AFM: variants seen among roughly 807,000 people sequenced by gnomAD.
AFM encodes the protein afamin, also known as alpha-Alb.
AFM carries 82 observed loss-of-function variants against 68.7 expected under a neutral mutation model. The observed-to-expected ratio is 1.19, with a 90% CI of 1.00 to 1.43. AFM has a LOEUF of 1.43. Ranked by LOEUF, AFM falls within the 40% of genes most tolerant of loss-of-function variation. The pLI is 0.00. For missense variants in AFM, 772 were observed against 701.8 expected (o/e 1.10, Z -1.13); for synonymous variants, 250 against 234.2 (o/e 1.07, Z -0.61).
At position 73,497,822 on chromosome 4, in the gene AFM, G is replaced by A. The variant is rs1721300582; in HGVS notation, c.1289+73G>A. 6 of 1,001,580 alleles carry A rather than the reference G, an allele frequency of 6.0e-6. No individual in the cohort carries two copies. The South Asian group carries it at 9.2e-5, about 15-fold the overall frequency. The allele number at this position is 1,001,580 out of a possible 1,614,324, so 62.0% of individuals were successfully genotyped here. ...ACATAATCCCTCGAAGCGTAAAAAA[G>A]TTAGCTGTCAAGTTTTTCAGTTATG... On this transcript the variant is annotated intron_variant, in intron 10 of 14. Coordinates refer to ENST00000226355, the MANE Select transcript of AFM (RefSeq NM_001133.2).
chr4:73,502,873 G>A (rs1721457911), intron 13 of AFM, among the ~76,000 whole-genome samples, 177 bp from the exon 14 acceptor site: 2 of 152,154 alleles, frequency 1.3e-5, no homozygotes, highest in Admixed American at 1.3e-4. Flanking sequence ...TTTGGCAGTT[G>A]TAAAGAGCCT....
intron 9 of AFM, 148 bp from the exon 10 acceptor site, chr4:73,497,504 G>A (rs148187308): frequency 2.2e-5 from 9 of 402,144 alleles, no homozygotes; most frequent in Admixed American, 1.3e-4. Context: ...GTTCTTGCAC[G>A]TGCTTGTAAA....
At chr4:73,484,927 C>T (rs532691612) in intron 3 of AFM, among the ~76,000 whole-genome samples, 34 of 152,248 alleles carry the variant, frequency 2.2e-4, no homozygotes, top group South Asian at 2.1e-3. Context: ...ATGTTCTGTG[C>T]GCAGCATTTT....
intron 7 of AFM, among the ~76,000 whole-genome samples, chr4:73,489,975 C>T (rs990216514): frequency 5.3e-5 from 8 of 151,632 alleles, no homozygotes; most frequent in South Asian, 2.1e-4. Flanking sequence ...CCATGTATCC[C>T]GGAACTTAAA....
chr4:73,489,411 T>G (rs1006818056), intron 7 of AFM, among the ~76,000 whole-genome samples: 1 of 152,150 alleles, frequency 6.6e-6, no homozygotes, highest in Non-Finnish European at 1.5e-5. Flanking sequence ...TATATATGCA[T>G]ATATATTAAT....
At chr4:73,497,814 G>T in intron 10 of AFM, 65 bp downstream of exon 10, 1 of 1,050,268 alleles carries the variant, frequency 9.5e-7, no homozygotes, top group Non-Finnish European at 1.4e-6. Flanking sequence ...CCCTCGAAGC[G>T]TAAAAAAGTT....
chr4:73,499,980 C>T (rs1356185964), intron 11 of AFM, 24 bp from the exon 12 acceptor site: 2 of 1,582,280 alleles, frequency 1.3e-6, no homozygotes, highest in Admixed American at 1.7e-5. Flanking sequence ...GATCGTATCT[C>T]AGTTGCAACT....
Position 73,492,055 on chromosome 4 carries a change from C to G in AFM, c.1027C>G (p.Arg343Gly). 1.2e-6 allele frequency: 2 copies of G among 1,612,172 alleles called. No homozygotes were observed. The highest frequency in any genetic ancestry group is 1.7e-6 in the Non-Finnish European group (2 of 1,179,540). ...FTDSENVCQE[R>G]DADPDTFFAK... ...TGACAGTGAAAATGTGTGTCAAGAA[C>G]GAGATGCTGACCCAGACACCTTCTT... is the stretch of plus-strand genomic sequence containing the variant. Residue 343 changes from arginine (R) to glycine (G), a missense_variant, in exon 8 of 15, where the codon CGA becomes GGA. Coordinates refer to ENST00000226355, the MANE Select transcript of AFM (RefSeq NM_001133.2).
At position 73,488,748 on chromosome 4, in the gene AFM, A is replaced by C. The variant is rs772659222; in HGVS notation, c.832A>C (p.Ile278Leu). 1.3e-4 allele frequency: 203 copies of C among 1,608,378 alleles called. No homozygotes were observed. Among genetic ancestry groups the C allele is most frequent in the Non-Finnish European group, 1.7e-4 (197 of 1,178,430 alleles). ...GCCEGDVVQC[I>L]RDTSKVMNHI... ...CTGTGAAGGGGATGTTGTGCAGTGC[A>C]TCCGTGACACGGTGAATATTCTCTA... The change falls in exon 7 of 15, where the codon ATC (isoleucine) becomes CTC (leucine). Residue 278 changes from isoleucine (I) to leucine (L), a missense_variant. Transcript: ENST00000226355.
intron 9 of AFM, among the ~76,000 whole-genome samples, chr4:73,495,810 G>C (rs544791649): frequency 7.2e-5 from 11 of 152,242 alleles, no homozygotes; most frequent in African/African-American, 2.4e-4. Flanking sequence ...GATTCTTTAT[G>C]GTTTCAAAAG....
chr4:73,487,826 G>A lies in AFM; in HGVS notation c.713+5G>A. ...AACCAAAGTTGTACACTTTATGTGAGTTTTATACTATATGTCTTGTCTCTG... is the reference window on the plus strand; with the variant it reads ...AACCAAAGTTGTACACTTTATGTGAATTTTATACTATATGTCTTGTCTCTG... On this transcript the variant is annotated splice_donor_5th_base_variant and intron_variant, in intron 6 of 14. Transcript: ENST00000226355. 3 of 1,556,638 alleles carry A rather than the reference G, an allele frequency of 1.9e-6. No individual in the cohort carries two copies. Among genetic ancestry groups the A allele is most frequent in the East Asian group, 2.2e-5 (1 of 44,566 alleles).
Position 73,497,759 on chromosome 4 carries a change from T to C in AFM, c.1289+10T>C. Reference sequence around the variant, plus strand: ...ATGGTTTGAAATACCAGTATGTTGTTTGCACAAGTGGGCTAACACTTGCCA... The same window carrying C: ...ATGGTTTGAAATACCAGTATGTTGTCTGCACAAGTGGGCTAACACTTGCCA... On this transcript the variant is annotated intron_variant, in intron 10 of 14. Coordinates refer to ENST00000226355, the MANE Select transcript of AFM (RefSeq NM_001133.2). 2 of 1,546,812 alleles carry C rather than the reference T, an allele frequency of 1.3e-6. No individual in the cohort carries two copies. The highest frequency in any genetic ancestry group is 1.7e-5 in the Admixed American group (1 of 57,796).
chr4:73,483,939 A>G lies in AFM; in HGVS notation c.89-2A>G, dbSNP rs201597484. 3 of 1,526,776 alleles carry G rather than the reference A, an allele frequency of 2.0e-6. No homozygotes were observed. The highest frequency in any genetic ancestry group is 2.7e-6 in the Non-Finnish European group (3 of 1,117,896). 94.6% of individuals were successfully genotyped at this position (1,526,776 alleles called of 1,614,324 possible). Reference sequence around the variant, plus strand: ...AATAACCTAAATATTCTTGCTTTTCAGAGAACTTCAATAGTACTCAAAAAT... The same window carrying G: ...AATAACCTAAATATTCTTGCTTTTCGGAGAACTTCAATAGTACTCAAAAAT... On this transcript the variant is annotated splice_acceptor_variant, in intron 1 of 14. Transcript: ENST00000226355. LOFTEE classifies it high-confidence loss of function.
At position 73,481,829 on chromosome 4, in the gene AFM, A is replaced by T. The variant is rs980872536; in HGVS notation, c.54A>T (p.Glu18Asp). Residue 18 changes from glutamate (E) to aspartate (D), a missense_variant, in exon 1 of 15, where the codon GAA (glutamate) becomes GAT (aspartate). By Grantham distance (45) the Glu-to-Asp change is conservative. Coordinates refer to ENST00000226355, the MANE Select transcript of AFM (RefSeq NM_001133.2). ...GFIFFLFFLT[E>D]SLTLPTQPRD... is the part of the protein sequence containing the mutation. ...TTTTTTTCTTGTTTTTTTTGACTGAATCCCTAACCCTGCCCACACAACCTC... is the reference window on the plus strand; with the variant it reads ...TTTTTTTCTTGTTTTTTTTGACTGATTCCCTAACCCTGCCCACACAACCTC... The T allele has an allele frequency of 9.9e-6, 16 of 1,609,170 alleles. No individual in the cohort carries two copies. The Middle Eastern group carries it at 8.3e-4, about 83-fold the overall frequency.
intron 5 of AFM, 79 bp downstream of exon 5, chr4:73,487,178 C>A (rs1022480025): frequency 1.4e-6 from 2 of 1,476,444 alleles, no homozygotes; most frequent in African/African-American, 1.4e-5. Flanking sequence ...TATATTATAG[C>A]AAAAGGCTTG....
At chr4:73,494,397 CT>C (rs146495944) in intron 8 of AFM, among the ~76,000 whole-genome samples, 4,093 of 151,828 alleles carry the variant, frequency 0.027, 202 homozygotes, top group African/African-American at 0.094. Flanking sequence ...GATGAGTTTT[CT>C]TTTTTTTATG....
chr4:73,488,840 G>C (rs1720989145), intron 7 of AFM, 81 bp downstream of exon 7: 2 of 1,360,252 alleles, frequency 1.5e-6, no homozygotes, highest in African/African-American at 1.5e-5. Flanking sequence ...CCTGATATGT[G>C]GTTACTTTGC....
intron 8 of AFM, among the ~76,000 whole-genome samples, chr4:73,494,250 A>G (rs998605671): frequency 2.0e-5 from 3 of 152,046 alleles, no homozygotes; most frequent in Non-Finnish European, 4.4e-5. Context: ...TTTCAGAAAA[A>G]CCAAGATTAA....
At chr4:73,488,402 T>C (rs995800243) in intron 6 of AFM, among the ~76,000 whole-genome samples, 11 of 92,628 alleles carry the variant, frequency 1.2e-4, no homozygotes, top group East Asian at 4.3e-4. Flanking sequence ...CTCAGTTTTG[T>C]TTTTTTTCAC....
Sources: gnomAD v4.1 joint callset for allele counts (sites outside exome capture counted in the v4.1 genomes callset) on GRCh38, gnomAD v4.1.1 for gene constraint, MANE v1.5 for transcripts, NCBI Gene and HGNC (gene_info 2026-07-23, HGNC 2026-07-21) for gene names.